Variants in TENT5D observed in about 807,000 individuals in gnomAD.
TENT5D encodes the protein cancer/testis antigen 112.
For synonymous variants in TENT5D, 103 were observed against 100.6 expected (o/e 1.02, Z -0.15); for missense variants, 191 against 287.0 (o/e 0.67, Z 2.42).
intron 3 of TENT5D, among the ~76,000 whole-genome samples, chrX:80,415,097 G>A (rs1194328974): frequency 9.0e-6 from 1 of 111,490 alleles, no homozygotes; most frequent in Non-Finnish European, 1.9e-5. Flanking sequence ...CAGCTTGGAT[G>A]TTGTTGGTGT....
chrX:80,396,277 CT>C (rs1301024969), intron 3 of TENT5D, among the ~76,000 whole-genome samples: 11 of 106,830 alleles, frequency 1.0e-4, no homozygotes, highest in African/African-American at 2.7e-4. Context: ...TACTGTTTTT[CT>C]TTTTTTTTTC....
intron 3 of TENT5D, among the ~76,000 whole-genome samples, chrX:80,347,560 C>T (rs771354153): frequency 2.1e-4 from 24 of 111,722 alleles, no homozygotes; most frequent in African/African-American, 6.2e-4. Flanking sequence ...TCCTTGTAGA[C>T]TCTGGATGTT....
chrX:80,443,883 T>TA (rs1428960424), exon 3 of TENT5D: 4 of 429,037 alleles, frequency 9.3e-6, no homozygotes, highest in Non-Finnish European at 1.6e-5. Flanking sequence ...GCCATCATAG[T>TA]AAATACAATA....
intron 3 of TENT5D, among the ~76,000 whole-genome samples, chrX:80,393,615 A>G (rs1931181549): frequency 8.9e-6 from 1 of 111,965 alleles, no homozygotes; most frequent in Admixed American, 9.5e-5. Flanking sequence ...ATTATTAGCT[A>G]TATTCACCAT....
At chrX:80,442,409 A>G (rs1307245101) in intron 2 of TENT5D, 113 bp from the exon 3 acceptor site, 7 of 465,619 alleles carry the variant, frequency 1.5e-5, no homozygotes, top group Admixed American at 4.3e-5. Flanking sequence ...TTTCCTCCCT[A>G]GTATTATCAT....
At chrX:80,439,068 A>C (rs1180894149) in intron 2 of TENT5D, among the ~76,000 whole-genome samples, 1 of 111,476 alleles carries the variant, frequency 9.0e-6, no homozygotes, top group East Asian at 2.8e-4. Flanking sequence ...AGCTTAAAGG[A>C]TAAGTATATT....
intron 2 of TENT5D, among the ~76,000 whole-genome samples, chrX:80,440,408 C>A (rs1456993222): frequency 1.8e-5 from 2 of 110,571 alleles, no homozygotes; most frequent in East Asian, 5.7e-4. Flanking sequence ...AGTAGGGCTT[C>A]CAATTTCTTG....
intron 3 of TENT5D, among the ~76,000 whole-genome samples, chrX:80,384,568 T>C (rs1378633083): frequency 1.2e-5 from 1 of 81,957 alleles, no homozygotes; most frequent in Non-Finnish European, 2.3e-5. Context: ...TTGGAAGTTC[T>C]GGCCAGGGCA....
At chrX:80,437,816 A>T (rs1198555185) in intron 1 of TENT5D, among the ~76,000 whole-genome samples, 2 of 111,359 alleles carry the variant, frequency 1.8e-5, no homozygotes, top group Non-Finnish European at 3.8e-5. Flanking sequence ...TCAGACCAAA[A>T]TCTTGTTGTT....
intron 1 of TENT5D, among the ~76,000 whole-genome samples, chrX:80,431,504 T>A (rs1932088842): frequency 1.8e-5 from 2 of 111,846 alleles, no homozygotes; most frequent in South Asian, 7.5e-4. Flanking sequence ...AGAAGAAAAT[T>A]GTGTATTAGT....
At chrX:80,384,959 A>G (rs367899932) in intron 3 of TENT5D, among the ~76,000 whole-genome samples, 2 of 111,608 alleles carry the variant, frequency 1.8e-5, no homozygotes, top group Non-Finnish European at 3.8e-5. Context: ...ATGCTCATGG[A>G]TAGGAAGAAT....
At chrX:80,433,389 G>A (rs1299460167) in intron 1 of TENT5D, among the ~76,000 whole-genome samples, 1 of 112,153 alleles carries the variant, frequency 8.9e-6, no homozygotes, top group Admixed American at 9.5e-5. Flanking sequence ...AGGGAATGGT[G>A]CTAAACCTGA....
intron 2 of TENT5D, among the ~76,000 whole-genome samples, chrX:80,439,323 A>G (rs1181399416): frequency 9.0e-6 from 1 of 111,480 alleles, no homozygotes; most frequent in Non-Finnish European, 1.9e-5. Flanking sequence ...CCAAGACAGT[A>G]TTATAAGCAA....
intron 3 of TENT5D, among the ~76,000 whole-genome samples, chrX:80,363,901 C>T (rs1375935739): frequency 8.9e-6 from 1 of 112,632 alleles, no homozygotes; most frequent in East Asian, 2.8e-4. Flanking sequence ...CACAATCAAG[C>T]TAATTAACAT....
At chrX:80,376,225 T>A (rs1302659176) in intron 3 of TENT5D, among the ~76,000 whole-genome samples, 1 of 111,689 alleles carries the variant, frequency 9.0e-6, no homozygotes, top group African/African-American at 3.2e-5. Context: ...GAATTTTAAA[T>A]CTTTTTTTGT....
chrX:80,393,274 G>T (rs1374848353), intron 3 of TENT5D, among the ~76,000 whole-genome samples: 1 of 110,112 alleles, frequency 9.1e-6, no homozygotes, highest in African/African-American at 3.3e-5. Flanking sequence ...TTCATTCTGG[G>T]ATTCCAATCA....
chrX:80,360,750 A>G (rs1930391459), intron 3 of TENT5D, among the ~76,000 whole-genome samples: 1 of 111,885 alleles, frequency 8.9e-6, no homozygotes, highest in Non-Finnish European at 1.9e-5. Context: ...CATATATTGG[A>G]AGAACCAAGG....
intron 1 of TENT5D, among the ~76,000 whole-genome samples, chrX:80,424,791 T>C (rs1287573970): frequency 8.9e-6 from 1 of 112,793 alleles, no homozygotes; most frequent in Non-Finnish European, 1.9e-5. Flanking sequence ...TACCTTTACA[T>C]AGGCCTTTTA....
chrX:80,359,216 T>C (rs1030603424), intron 3 of TENT5D, among the ~76,000 whole-genome samples: 1 of 110,695 alleles, frequency 9.0e-6, no homozygotes, highest in African/African-American at 3.3e-5. Flanking sequence ...GGAGTGTAAA[T>C]TCAACCATTG....
Sources: gnomAD v4.1 joint callset for allele counts (sites outside exome capture counted in the v4.1 genomes callset) on GRCh38, gnomAD v4.1.1 for gene constraint, MANE v1.5 for transcripts, NCBI Gene and HGNC (gene_info 2026-07-23, HGNC 2026-07-21) for gene names.